DNER: variants seen among roughly 807,000 people sequenced by gnomAD.
DNER encodes delta/notch like EGF repeat containing.
In DNER, 33 loss-of-function variants were observed where a neutral mutation model predicts 78.2. That is an observed-to-expected ratio of 0.42 (90% CI 0.32 to 0.56). DNER has a LOEUF of 0.56. DNER is among the 20% of genes least tolerant of loss of function. DNER has a pLI of 0.11. For synonymous variants in DNER, 417 were observed against 384.8 expected, an observed-to-expected ratio of 1.08 and a Z score of -0.98; for missense variants, 918 against 975.3, an observed-to-expected ratio of 0.94 and a Z score of 0.78.
chr2:229,547,333 C>G (rs888214651), intron 4 of DNER, among the ~76,000 whole-genome samples: 1 of 152,206 alleles, frequency 6.6e-6, no homozygotes, highest in African/African-American at 2.4e-5. Flanking sequence ...TAAGGCCAAG[C>G]AAAATCAGCA....
chr2:229,665,527 G>A lies in DNER; in HGVS notation c.276+48621C>T, dbSNP rs538029821. Among the ~76,000 whole-genome samples, 7 of 152,278 alleles carry A rather than the reference G, an allele frequency of 4.6e-5. No individual in the cohort carries two copies. In the East Asian group the frequency reaches 9.6e-4, roughly 21 times the overall value. On this transcript the variant is annotated intron_variant, in intron 1 of 12. Transcript: ENST00000341772. ...CATCTATTAGAAAATGTAACATTAT[G>A]AGGAGATAGAGTCAACAGTGTCATA... is the stretch of plus-strand genomic sequence containing the variant.
At position 229,588,466 on chromosome 2, in the gene DNER, C is replaced by G. The variant is rs781736554; in HGVS notation, c.608G>C (p.Gly203Ala). ...CGCAGAGCTGTTAGAACTGGCATTC[C>G]CACAGGCAATATCTGGGATCACCTG... ...QVEVIPDIAC[G>A]NASSNSSAGG... The change falls in exon 3 of 13, where the codon GGG (glycine) becomes GCG (alanine). Residue 203 changes from glycine (G) to alanine (A), a missense_variant. By Grantham distance (60) the Gly-to-Ala change is moderately conservative (BLOSUM62 0). Transcript: ENST00000341772. The G allele has an allele frequency of 6.2e-7, 1 of 1,610,968 alleles. No homozygotes were observed. The highest frequency in any genetic ancestry group is 1.1e-5 in the South Asian group (1 of 90,860).
At chr2:229,565,484 T>C (rs1302243055) in intron 4 of DNER, among the ~76,000 whole-genome samples, 1 of 152,148 alleles carries the variant, frequency 6.6e-6, no homozygotes. Flanking sequence ...AATATGTGAA[T>C]AAACAAGATA....
At chr2:229,504,162 C>T (rs567835473) in intron 6 of DNER, among the ~76,000 whole-genome samples, 9 of 152,292 alleles carry the variant, frequency 5.9e-5, no homozygotes, top group African/African-American at 1.7e-4. Flanking sequence ...ATATATATAT[C>T]GATGCCCTGT....
chr2:229,481,891 A>G (rs1203980092), intron 6 of DNER, among the ~76,000 whole-genome samples: 1 of 152,218 alleles, frequency 6.6e-6, no homozygotes, highest in Non-Finnish European at 1.5e-5. Flanking sequence ...AATTTGCTCT[A>G]GCATGCATAC....
chr2:229,679,174 G>A (rs1168811628), intron 1 of DNER, among the ~76,000 whole-genome samples: 1 of 152,146 alleles, frequency 6.6e-6, no homozygotes, highest in Non-Finnish European at 1.5e-5. Context: ...CCTCAGACCT[G>A]CCTGAAGTTT....
intron 8 of DNER, among the ~76,000 whole-genome samples, chr2:229,437,019 C>G (rs1277155799): frequency 6.6e-6 from 1 of 152,178 alleles, no homozygotes; most frequent in Non-Finnish European, 1.5e-5. Context: ...GATAAAGAAG[C>G]AAAACCCAAT....
At chr2:229,529,369 G>A (rs1696263242) in intron 5 of DNER, among the ~76,000 whole-genome samples, 1 of 152,122 alleles carries the variant, frequency 6.6e-6, no homozygotes, top group Admixed American at 6.5e-5. Flanking sequence ...CCAACTCCAA[G>A]TGAACCACGA....
intron 1 of DNER, among the ~76,000 whole-genome samples, chr2:229,682,783 G>A (rs564243119): frequency 3.3e-5 from 5 of 152,278 alleles, no homozygotes; most frequent in Non-Finnish European, 7.4e-5. Context: ...AGGAGGCAGA[G>A]GTTGCAGTGA....
At chr2:229,430,545 T>G (rs1238013761) in intron 8 of DNER, among the ~76,000 whole-genome samples, 1 of 152,122 alleles carries the variant, frequency 6.6e-6, no homozygotes, top group East Asian at 1.9e-4. Flanking sequence ...GCCTACATCT[T>G]TCTCCCGTGC....
intron 1 of DNER, among the ~76,000 whole-genome samples, chr2:229,656,019 C>G (rs1544675): frequency 0.41 from 62,509 of 151,942 alleles, 15,114 homozygotes; most frequent in Non-Finnish European, 0.55. Flanking sequence ...TGGAGGAAGC[C>G]TGGCCCCACC....
chr2:229,632,518 T>C (rs1011087615), intron 1 of DNER, among the ~76,000 whole-genome samples: 7 of 152,226 alleles, frequency 4.6e-5, no homozygotes, highest in Admixed American at 1.3e-4. Flanking sequence ...AAAATCAAGA[T>C]GCAGATTTCA....
At chr2:229,473,905 T>C (rs1423283964) in intron 7 of DNER, among the ~76,000 whole-genome samples, 2 of 152,098 alleles carry the variant, frequency 1.3e-5, no homozygotes, top group African/African-American at 2.4e-5. Flanking sequence ...AGGCTCTTTT[T>C]ATTTTTTATT....
chr2:229,475,155 C>T (rs775638816), intron 7 of DNER, among the ~76,000 whole-genome samples: 1 of 152,226 alleles, frequency 6.6e-6, no homozygotes, highest in East Asian at 1.9e-4. Context: ...GACATAGACA[C>T]AATCATCACC....
chr2:229,445,632 G>T (rs1694325313), intron 8 of DNER, among the ~76,000 whole-genome samples: 1 of 152,226 alleles, frequency 6.6e-6, no homozygotes, highest in African/African-American at 2.4e-5. Context: ...AAAGACTGAG[G>T]TTTCCCAAAG....
chr2:229,488,833 C>T (rs1423546489), intron 6 of DNER, among the ~76,000 whole-genome samples: 1 of 152,178 alleles, frequency 6.6e-6, no homozygotes, highest in Non-Finnish European at 1.5e-5. Flanking sequence ...AATCTCTGGC[C>T]AAGAAAGTGG....
At chr2:229,440,624 T>A (rs7561981) in intron 8 of DNER, among the ~76,000 whole-genome samples, 60,671 of 152,152 alleles carry the variant, frequency 0.4, 12,881 homozygotes, top group East Asian at 0.68. Flanking sequence ...CTCTCTATAT[T>A]TTTTCCCCTG....
intron 1 of DNER, among the ~76,000 whole-genome samples, chr2:229,691,882 A>G (rs549184769): frequency 6.6e-6 from 1 of 152,316 alleles, no homozygotes; most frequent in African/African-American, 2.4e-5. Flanking sequence ...AGTCAGTCCA[A>G]CCAGAACTAA....
intron 7 of DNER, among the ~76,000 whole-genome samples, chr2:229,475,127 T>A (rs1347250395): frequency 6.6e-6 from 1 of 152,220 alleles, no homozygotes; most frequent in African/African-American, 2.4e-5. Context: ...ACTCATTTAA[T>A]CCTTACACTG....
Sources: allele counts gnomAD v4.1 joint callset (sites outside exome capture counted in the v4.1 genomes callset), GRCh38; gene constraint gnomAD v4.1.1; transcripts MANE v1.5; gene names NCBI Gene and HGNC (gene_info 2026-07-23, HGNC 2026-07-21).